ZPBP: variants seen among roughly 807,000 people sequenced by gnomAD.
ZPBP encodes zona pellucida binding protein.
Under a neutral mutation model 44.8 loss-of-function variants are expected in ZPBP, and 26 were observed. The observed-to-expected ratio is 0.58, with a 90% CI of 0.43 to 0.81. The LOEUF is 0.81. Among genes scored for constraint, ZPBP ranks in the 30% least tolerant of loss-of-function variants. ZPBP has a pLI of 0.00. For missense variants in ZPBP, 409 were observed against 434.0 expected (o/e 0.94, Z 0.51); for synonymous variants, 174 against 153.2 (o/e 1.14, Z -1.00).
At chr7:49,991,179 AT>A (rs1343028491) in intron 6 of ZPBP, among the ~76,000 whole-genome samples, 1 of 152,140 alleles carries the variant, frequency 6.6e-6, no homozygotes, top group Non-Finnish European at 1.5e-5. Flanking sequence ...CTGGAGAGAA[AT>A]GTGAATTTTT....
In ZPBP at chr7:50,069,092, T is replaced by G. The variant is rs948259435; in HGVS notation, c.335-10951A>C. Among the ~76,000 whole-genome samples the G allele has an allele frequency of 7.2e-5, 11 of 152,192 alleles. No individual in the cohort carries two copies. In the East Asian group the frequency reaches 2.1e-3, roughly 29 times the overall value. ...ATCTGAGACGGCCTGCCTGACTTTT[T>G]GAGCCTTTCACTTTAATTTCCCTGA... On this transcript the variant is annotated intron_variant, in intron 3 of 7. Coordinates refer to ENST00000046087, the MANE Select transcript of ZPBP (RefSeq NM_007009.3).
intron 2 of ZPBP, among the ~76,000 whole-genome samples, chr7:49,864,340 C>G (rs1790792715): frequency 6.6e-6 from 1 of 152,168 alleles, no homozygotes; most frequent in East Asian, 1.9e-4. Context: ...TTCCTTCACC[C>G]CTTAACTGGA....
At chr7:49,989,644 T>G (rs1009649505) in intron 6 of ZPBP, among the ~76,000 whole-genome samples, 5 of 152,166 alleles carry the variant, frequency 3.3e-5, no homozygotes, top group Admixed American at 6.5e-5. Context: ...TCTACATTCA[T>G]TAGTTGCTTT....
At chr7:50,022,670 G>A (rs1490172033) in intron 5 of ZPBP, among the ~76,000 whole-genome samples, 3 of 152,006 alleles carry the variant, frequency 2.0e-5, no homozygotes, top group African/African-American at 2.4e-5. Context: ...CAGTTGTCAG[G>A]CCTGTATCAA....
chr7:50,031,015 TGTGA>T, intron 5 of ZPBP, 73 bp downstream of exon 5: 2 of 1,224,978 alleles, frequency 1.6e-6, no homozygotes, highest in Admixed American at 1.8e-5. Context: ...ATAAAAATGC[TGTGA>T]GTAATTAACA....
At chr7:49,858,814 TTA>T (rs1451190924) in intron 2 of ZPBP, among the ~76,000 whole-genome samples, 1 of 152,234 alleles carries the variant, frequency 6.6e-6, no homozygotes, top group Non-Finnish European at 1.5e-5. Context: ...TACTTATTTT[TTA>T]TGTTTATAAA....
chr7:49,931,983 A>G (rs1794462268), intron 1 of ZPBP, among the ~76,000 whole-genome samples: 1 of 152,188 alleles, frequency 6.6e-6, no homozygotes, highest in Non-Finnish European at 1.5e-5. Flanking sequence ...TTGTAAATTT[A>G]CATGTGGTAT....
chr7:50,000,940 A>T (rs1454301688), intron 6 of ZPBP, among the ~76,000 whole-genome samples: 1 of 152,154 alleles, frequency 6.6e-6, no homozygotes, highest in South Asian at 2.1e-4. Flanking sequence ...AGGCCATTAA[A>T]GTAGGCCCTA....
At chr7:49,849,266 C>T (rs530028177), downstream of ZPBP, among the ~76,000 whole-genome samples, 2 of 152,242 alleles carry the variant, frequency 1.3e-5, no homozygotes, top group African/African-American at 4.8e-5. Context: ...TGAATTTCCC[C>T]GAGGAGAGAG....
chr7:49,899,782 T>G (rs1441386879), intron 2 of ZPBP, among the ~76,000 whole-genome samples: 1 of 151,916 alleles, frequency 6.6e-6, no homozygotes, highest in Non-Finnish European at 1.5e-5. Context: ...GAAAAATCAG[T>G]AAGGACATAG....
At position 50,031,266 on chromosome 7, in the gene ZPBP, G is replaced by A; in HGVS notation, c.532C>T (p.His178Tyr). 3 of 1,611,972 alleles carry A rather than the reference G, an allele frequency of 1.9e-6. No homozygotes were observed. Among genetic ancestry groups the A allele is most frequent in the South Asian group, 2.2e-5 (2 of 90,930 alleles). Reference sequence around the variant, plus strand: ...TAAATGCTATTGCAGGGAGCTGCATGATATCGAGCTGTGAACTGATAATAA... The same window carrying A: ...TAAATGCTATTGCAGGGAGCTGCATAATATCGAGCTGTGAACTGATAATAA... ...HYYYQFTARY[H>Y]AAPCNSIYNI... is the part of the protein sequence containing the mutation. The change falls in exon 5 of 8, where the codon CAT (histidine) becomes TAT (tyrosine). Residue 178 changes from histidine to tyrosine, a missense_variant. Physicochemically the swap from His to Tyr is moderately conservative, Grantham distance 83. Around this residue, in one of 2 missense-constraint regions of ZPBP, gnomAD observed 367 missense variants for 363.1 expected, o/e 1.01. Coordinates refer to ENST00000046087, the MANE Select transcript of ZPBP (RefSeq NM_007009.3).
intron 2 of ZPBP, among the ~76,000 whole-genome samples, chr7:49,881,143 C>T (rs1292171004): frequency 6.6e-6 from 1 of 152,116 alleles, no homozygotes; most frequent in East Asian, 1.9e-4. Context: ...GACTTGTATT[C>T]AGTTGTCCTG....
At chr7:50,050,313 C>A (rs536626635) in intron 4 of ZPBP, among the ~76,000 whole-genome samples, 2 of 152,162 alleles carry the variant, frequency 1.3e-5, no homozygotes, top group African/African-American at 4.8e-5. Flanking sequence ...TGAAAACTAT[C>A]TTGAAAAGAA....
rs573752000 is a variant in ZPBP, at chr7:50,083,776, A to C, written c.209-1877T>G. Among the ~76,000 whole-genome samples, 15 of 152,090 alleles carry C rather than the reference A, an allele frequency of 9.9e-5. No individual in the cohort carries two copies. In the South Asian group the frequency reaches 2.9e-3, roughly 29 times the overall value. On this transcript the variant is annotated intron_variant, in intron 2 of 7. Transcript: ENST00000046087. ...TAAATTATAGTTAAAAGTTATCTCA[A>C]AATACATGCAAATGTAAACTTAGAT...
chr7:49,876,737 T>C (rs1333107751), intron 2 of ZPBP, among the ~76,000 whole-genome samples: 1 of 152,170 alleles, frequency 6.6e-6, no homozygotes, highest in Admixed American at 6.5e-5. Flanking sequence ...ATTCAATCAT[T>C]ACCTGTCAAC....
At chr7:49,932,298 G>A (rs944203254) in intron 1 of ZPBP, among the ~76,000 whole-genome samples, 20 of 152,208 alleles carry the variant, frequency 1.3e-4, no homozygotes, top group African/African-American at 4.3e-4. Flanking sequence ...ACACCAGCCT[G>A]TGAAAGCAGC....
chr7:50,052,424 G>A (rs1223397602), intron 4 of ZPBP, among the ~76,000 whole-genome samples: 1 of 152,058 alleles, frequency 6.6e-6, no homozygotes, highest in East Asian at 1.9e-4. Flanking sequence ...CTATCAGAAT[G>A]GCTAAAACAA....
intron 7 of ZPBP, among the ~76,000 whole-genome samples, chr7:49,953,785 A>C (rs780460611): frequency 2.6e-5 from 4 of 152,168 alleles, no homozygotes; most frequent in Non-Finnish European, 4.4e-5. Context: ...ATACACTGAA[A>C]GCTACAAAAT....
chr7:49,873,157 T>C (rs1791246183), intron 2 of ZPBP, among the ~76,000 whole-genome samples: 1 of 152,004 alleles, frequency 6.6e-6, no homozygotes, highest in African/African-American at 2.4e-5. Context: ...AATTTGAGAG[T>C]AACAATTTGT....
Sources: allele counts gnomAD v4.1 joint callset (sites outside exome capture counted in the v4.1 genomes callset), GRCh38; gene constraint gnomAD v4.1.1; regional missense constraint gnomAD v4.1.1; transcripts MANE v1.5; gene names NCBI Gene and HGNC (gene_info 2026-07-23, HGNC 2026-07-21).